The following CAMTA1 variants were observed in gnomAD, a reference collection of about 807,000 sequenced individuals.
CAMTA1 encodes calmodulin binding transcription activator 1, also known as calmodulin-binding transcription activator 1.
CAMTA1 carries 27 observed loss-of-function variants against 170.9 expected under a neutral mutation model. That is an observed-to-expected ratio of 0.16 (90% confidence interval 0.12 to 0.22). The LOEUF is 0.22. Among genes scored for constraint, CAMTA1 ranks in the 10% least tolerant of loss-of-function variants. CAMTA1 has a pLI of 1.00. For missense variants in CAMTA1, 1,619 were observed against 2,217.2 expected, an observed-to-expected ratio of 0.73 and a Z score of 5.42; for synonymous variants, 833 against 891.5, an observed-to-expected ratio of 0.93 and a Z score of 1.17.
intron 6 of CAMTA1, among the ~76,000 whole-genome samples, chr1:7,576,074 T>TCTCGGCTCACTGCAAC (rs907310180): frequency 6.6e-6 from 1 of 152,120 alleles, no homozygotes; most frequent in African/African-American, 2.4e-5. Context: ...AATGGTGCAA[T>TCTCGGCTCACTGCAAC]CTCGGCTCAC....
intron 5 of CAMTA1, among the ~76,000 whole-genome samples, chr1:7,355,646 A>G (rs938399660): frequency 1.3e-5 from 2 of 152,218 alleles, no homozygotes; most frequent in Admixed American, 6.5e-5. Flanking sequence ...TTTTAAATAC[A>G]TGTATCAGGT....
chr1:7,373,967 G>A (rs79485599), intron 5 of CAMTA1, among the ~76,000 whole-genome samples: 2,182 of 152,332 alleles, frequency 0.014, 48 homozygotes, highest in African/African-American at 0.049. Flanking sequence ...GAACAGGAGC[G>A]ACCGGCTGCT....
At chr1:6,985,684 G>A (rs1161548421) in intron 3 of CAMTA1, among the ~76,000 whole-genome samples, 1 of 152,208 alleles carries the variant, frequency 6.6e-6, no homozygotes, top group East Asian at 1.9e-4. Flanking sequence ...GGGTGAAGGT[G>A]GCTAGACAGA....
At chr1:6,804,053 G>A (rs905932984) in intron 1 of CAMTA1, among the ~76,000 whole-genome samples, 6 of 152,052 alleles carry the variant, frequency 3.9e-5, no homozygotes, top group Non-Finnish European at 7.4e-5. Context: ...GCATGGTGGC[G>A]GGTGCCAGTA....
intron 5 of CAMTA1, among the ~76,000 whole-genome samples, chr1:7,287,624 T>C (rs947903543): frequency 1.3e-5 from 2 of 152,194 alleles, no homozygotes; most frequent in Non-Finnish European, 2.9e-5. Context: ...TTTTACATGT[T>C]GTATTGGTCA....
chr1:7,150,907 A>G (rs1056029677), intron 4 of CAMTA1, among the ~76,000 whole-genome samples: 7 of 152,180 alleles, frequency 4.6e-5, no homozygotes, highest in Non-Finnish European at 7.3e-5. Context: ...TTGCTCGAGT[A>G]AAGAAGGCAG....
intron 22 of CAMTA1, among the ~76,000 whole-genome samples, chr1:7,764,263 G>A (rs1378685083): frequency 2.0e-5 from 3 of 152,084 alleles, no homozygotes; most frequent in Non-Finnish European, 4.4e-5. Context: ...ACATAGCAAT[G>A]TATTCTAACT....
intron 4 of CAMTA1, among the ~76,000 whole-genome samples, chr1:7,117,123 A>G (rs886633958): frequency 1.5e-4 from 23 of 151,578 alleles, no homozygotes; most frequent in Admixed American, 9.2e-4. Flanking sequence ...GGCGCCCGCC[A>G]CCATACCCAG....
chr1:7,335,229 C>T (rs942312280), intron 5 of CAMTA1, among the ~76,000 whole-genome samples: 3 of 132,934 alleles, frequency 2.3e-5, no homozygotes, highest in South Asian at 2.9e-4. Flanking sequence ...TGCAAGTTCC[C>T]ACCAAGTTTT....
At chr1:7,407,831 C>T (rs2090410233) in intron 5 of CAMTA1, among the ~76,000 whole-genome samples, 1 of 152,156 alleles carries the variant, frequency 6.6e-6, no homozygotes, top group Middle Eastern at 3.4e-3. Context: ...CATTGGGGGC[C>T]TGGGGACAGT....
At chr1:7,743,662 G>A (rs2096834449) in intron 16 of CAMTA1, among the ~76,000 whole-genome samples, 1 of 151,970 alleles carries the variant, frequency 6.6e-6, no homozygotes, top group Non-Finnish European at 1.5e-5. Context: ...ACTTTGTATA[G>A]TTCCATCGAG....
At chr1:6,854,269 C>A (rs1249243974) in intron 3 of CAMTA1, among the ~76,000 whole-genome samples, 1 of 152,168 alleles carries the variant, frequency 6.6e-6, no homozygotes, top group African/African-American at 2.4e-5. Context: ...GATACAGATA[C>A]CTATCGTGTC....
chr1:7,668,739 G>A (rs1208161585), intron 9 of CAMTA1, among the ~76,000 whole-genome samples: 1 of 152,198 alleles, frequency 6.6e-6, no homozygotes. Context: ...CATGGAGAAG[G>A]TCCTGATGTT....
intron 9 of CAMTA1, among the ~76,000 whole-genome samples, chr1:7,669,336 C>T (rs562800775): frequency 8.5e-5 from 13 of 152,372 alleles, no homozygotes; most frequent in African/African-American, 3.1e-4. Context: ...ACTTCCACCT[C>T]ATCCCTGGAA....
Position 7,673,442 on chromosome 1 carries a change from G to A in CAMTA1, c.2779+2405G>A, listed in dbSNP as rs182609955. Among the ~76,000 whole-genome samples the A allele has an allele frequency of 4.8e-3, 731 of 152,326 alleles. 4 individuals are homozygous for A. The highest frequency in any genetic ancestry group is 0.016 in the African/African-American group (674 of 41,580). The stretch of plus-strand genomic sequence containing the variant: ...AAGGGTTCCCATTAAGGAGGCCTTC[G>A]CTCTTCCTTTCCCAAGGGGGAGTTC... On this transcript the variant is annotated intron_variant, in intron 10 of 22. Coordinates refer to ENST00000303635, the MANE Select transcript of CAMTA1 (RefSeq NM_015215.4). The surrounding 1 kb of genome is among the most constrained non-coding windows in gnomAD (Gnocchi z 4.6).
At chr1:7,136,155 G>T (rs771024822) in intron 4 of CAMTA1, among the ~76,000 whole-genome samples, 1 of 152,172 alleles carries the variant, frequency 6.6e-6, no homozygotes, top group Non-Finnish European at 1.5e-5. Flanking sequence ...ATATCATGTG[G>T]TCTCCTCTTT....
chr1:6,901,260 C>T (rs990280048), intron 3 of CAMTA1, among the ~76,000 whole-genome samples: 3 of 152,156 alleles, frequency 2.0e-5, no homozygotes, highest in African/African-American at 7.2e-5. Context: ...GGATCATAGA[C>T]CTAAGTTTAA....
chr1:6,928,899 TAC>T (rs1683850449), intron 3 of CAMTA1, among the ~76,000 whole-genome samples: 1 of 152,226 alleles, frequency 6.6e-6, no homozygotes, highest in South Asian at 2.1e-4. Flanking sequence ...CATCTGCATC[TAC>T]CATGTTCACT....
rs1298953090 is a variant in CAMTA1 at position 7,216,519 on chromosome 1, T to C, written c.303-32972T>C. On this transcript the variant is annotated intron_variant, in intron 4 of 22. Coordinates refer to ENST00000303635, the MANE Select transcript of CAMTA1 (RefSeq NM_015215.4). This position sits in a 1 kb window ranked among gnomAD's most constrained non-coding sequence, Gnocchi z 4.0. ...TCTTTCATTTTCCTTCCTTCCTTCC[T>C]TTCTTTCTTTCGTTCTTTCACAGAA... Among the ~76,000 whole-genome samples the C allele has an allele frequency of 6.6e-6, 1 of 152,186 alleles. No homozygotes were observed. Among genetic ancestry groups the C allele is most frequent in the Non-Finnish European group, 1.5e-5 (1 of 68,022 alleles).
Sources: allele counts gnomAD v4.1 joint callset (sites outside exome capture counted in the v4.1 genomes callset), GRCh38; gene constraint gnomAD v4.1.1; non-coding constraint Gnocchi (gnomAD v3.1); transcripts MANE v1.5; gene names NCBI Gene and HGNC (gene_info 2026-07-23, HGNC 2026-07-21).